COL6A5: variants seen among roughly 807,000 people sequenced by gnomAD.
The protein encoded by COL6A5 is collagen type VI alpha 5 chain.
In COL6A5, 48 loss-of-function variants were observed where a neutral mutation model predicts 65.6. That is an observed-to-expected ratio of 0.73 (90% confidence interval 0.58 to 0.93). COL6A5 has a LOEUF of 0.93. COL6A5 is among the 40% of genes least tolerant of loss of function. The pLI is 0.00. For missense variants in COL6A5, 914 were observed against 928.3 expected (o/e 0.98, Z 0.20); for synonymous variants, 291 against 322.8 (o/e 0.90, Z 1.05).
intron 5 of COL6A5, among the ~76,000 whole-genome samples, chr3:130,387,159 C>T (rs553181592): frequency 1.3e-5 from 2 of 152,086 alleles, no homozygotes; most frequent in South Asian, 2.1e-4. Flanking sequence ...GGGAGCCTAC[C>T]ACACTCAACT....
chr3:130,384,941 C>T (rs796503218), exon 5 of COL6A5: 32 of 1,550,892 alleles, frequency 2.1e-5, no homozygotes, highest in South Asian at 1.3e-4. Flanking sequence ...AGACAAAGTC[C>T]GAGTTGGAGT....
intron 14 of COL6A5, 94 bp from the exon 15 acceptor site, chr3:130,405,899 T>TAAAGAAATACATGCTC: frequency 2.4e-6 from 3 of 1,268,560 alleles, no homozygotes; most frequent in Non-Finnish European, 3.4e-6. Flanking sequence ...CCGAAGCGAC[T>TAAAGAAATACATGCTC]AAAGAAATAC....
intron 4 of COL6A5, among the ~76,000 whole-genome samples, chr3:130,452,027 G>C (rs1423825008): frequency 6.6e-6 from 1 of 152,148 alleles, no homozygotes; most frequent in African/African-American, 2.4e-5. Context: ...ACCAAGGACA[G>C]TGTTCTTCTA....
At chr3:130,421,847 A>G (rs1039008085) in intron 27 of COL6A5, among the ~76,000 whole-genome samples, 2 of 152,020 alleles carry the variant, frequency 1.3e-5, no homozygotes, top group African/African-American at 2.4e-5. Flanking sequence ...TCCTACTCAA[A>G]CATCTTCAAG....
chr3:130,401,944 A>G, intron 12 of COL6A5, 90 bp downstream of exon 12: 1 of 912,798 alleles, frequency 1.1e-6, no homozygotes, highest in Non-Finnish European at 1.7e-6. Flanking sequence ...TACAGCCTTC[A>G]CTCTATGCTA....
At chr3:130,350,534 A>G (rs1934663908) in intron 1 of COL6A5, among the ~76,000 whole-genome samples, 1 of 152,212 alleles carries the variant, frequency 6.6e-6, no homozygotes, top group Non-Finnish European at 1.5e-5. Context: ...ACAGAGAGCC[A>G]AATCACAAGT....
intron 5 of COL6A5, among the ~76,000 whole-genome samples, chr3:130,462,532 C>T (rs1709724974): frequency 6.6e-6 from 1 of 152,054 alleles, no homozygotes; most frequent in South Asian, 2.1e-4. Flanking sequence ...ATATGCACAG[C>T]ATGGTGCAAA....
chr3:130,382,073 G>A (rs1308269663), intron 4 of COL6A5, among the ~76,000 whole-genome samples: 1 of 151,902 alleles, frequency 6.6e-6, no homozygotes, highest in African/African-American at 2.4e-5. Flanking sequence ...AAAAAAAAAT[G>A]GAGATTGGTA....
In COL6A5 at chr3:130,426,204, T is replaced by C. The variant is rs1465943229; in HGVS notation, c.5164-10T>C. 2 of 1,550,956 alleles carry C rather than the reference T, an allele frequency of 1.3e-6. No individual in the cohort carries two copies. The highest frequency in any genetic ancestry group is 2.0e-5 in the Admixed American group (1 of 50,950). The stretch of plus-strand genomic sequence containing the variant: ...ATACCACTAACTTGCTCTGTTTTTG[T>C]TTTTCCTAGGGCATTAAAGGCATGG... On this transcript the variant is annotated splice_polypyrimidine_tract_variant and intron_variant and NMD_transcript_variant, in intron 29 of 41. Coordinates refer to the COL6A5 transcript ENST00000312481.
At chr3:130,479,961 C>A (rs1710194913) in intron 7 of COL6A5, among the ~76,000 whole-genome samples, 1 of 151,922 alleles carries the variant, frequency 6.6e-6, no homozygotes, top group African/African-American at 2.4e-5. Flanking sequence ...ATAACTGATT[C>A]TTTTGTAAAA....
chr3:130,390,501 C>T (rs915974127), intron 6 of COL6A5, among the ~76,000 whole-genome samples: 3 of 151,848 alleles, frequency 2.0e-5, no homozygotes, highest in African/African-American at 7.2e-5. Flanking sequence ...GGAAAGAGTC[C>T]ACACTTTGGA....
chr3:130,389,985 A>G (rs140114271), intron 6 of COL6A5, among the ~76,000 whole-genome samples: 164 of 152,278 alleles, frequency 1.1e-3, no homozygotes, highest in African/African-American at 3.7e-3. Flanking sequence ...AAAATTATGC[A>G]TGTGGAATTT....
intron 1 of COL6A5, among the ~76,000 whole-genome samples, chr3:130,346,791 T>G (rs1269806466): frequency 1.3e-5 from 2 of 152,240 alleles, no homozygotes; most frequent in Non-Finnish European, 2.9e-5. Context: ...AATTAATCAT[T>G]GTTAACTCAG....
In COL6A5 at chr3:130,413,417, C is replaced by A. The variant is rs575541235; in HGVS notation, c.4663-128C>A. ...GTGAAAGCTTGTCTATGGAAAATGC[C>A]TCAGGGAAACTGTTTCTGTGAGCTG... On this transcript the variant is annotated intron_variant and NMD_transcript_variant, in intron 20 of 41. Transcript: ENST00000312481. 5 of 837,520 alleles carry A rather than the reference C, an allele frequency of 6.0e-6. No individual in the cohort carries two copies. In the East Asian group the frequency reaches 1.3e-4, roughly 22 times the overall value. The allele number at this position is 837,520 out of a possible 1,614,324, so 51.9% of individuals were successfully genotyped here. A position where few individuals can be genotyped will look rare whatever the true frequency, so the allele number is the denominator to read the frequency against.
chr3:130,352,017 T>A (rs1477502649), intron 1 of COL6A5, among the ~76,000 whole-genome samples: 1 of 152,102 alleles, frequency 6.6e-6, no homozygotes, highest in African/African-American at 2.4e-5. Flanking sequence ...GGGACATGGA[T>A]CAAGCTGGAA....
chr3:130,383,787 A>T (rs936328128), intron 4 of COL6A5, among the ~76,000 whole-genome samples: 2 of 152,122 alleles, frequency 1.3e-5, no homozygotes, highest in African/African-American at 4.8e-5. Context: ...TAGTAAATAG[A>T]CTACTAAGAA....
At position 130,419,707 on chromosome 3, in the gene COL6A5, AAAAG is replaced by A. The variant is rs774269677; in HGVS notation, c.4950+781_4950+784del. ...AAGATCTCACTTATAGGTGAAATGT[AAAAG>A]AAAGTCAAAATCATAGAAACAGAGA... On this transcript the variant is annotated intron_variant and NMD_transcript_variant, in intron 25 of 41. Transcript: ENST00000312481. Among the ~76,000 whole-genome samples the A allele has an allele frequency of 2.6e-5, 4 of 152,264 alleles. 1 individual carries two copies. In the East Asian group the frequency reaches 5.8e-4, roughly 22 times the overall value.
chr3:130,364,682 C>T (rs1051875004), intron 1 of COL6A5, among the ~76,000 whole-genome samples: 2 of 152,120 alleles, frequency 1.3e-5, no homozygotes, highest in African/African-American at 2.4e-5. Context: ...GAGGGAAAAA[C>T]GATGTGGATA....
intron 4 of COL6A5, among the ~76,000 whole-genome samples, chr3:130,380,872 A>C (rs1287970852): frequency 6.6e-6 from 1 of 152,140 alleles, no homozygotes; most frequent in African/African-American, 2.4e-5. Context: ...GTCCAGAGGT[A>C]GGTAGACTGA....
Sources: allele counts gnomAD v4.1 joint callset (sites outside exome capture counted in the v4.1 genomes callset), GRCh38; gene constraint gnomAD v4.1.1; transcripts MANE v1.5; gene names NCBI Gene and HGNC (gene_info 2026-07-23, HGNC 2026-07-21).